BTRC: variants seen among roughly 807,000 people sequenced by gnomAD.
The protein encoded by BTRC is F-box/WD repeat-containing protein 1A.
Under a neutral mutation model 85.5 loss-of-function variants are expected in BTRC, and 42 were observed. The observed-to-expected ratio is 0.49, with a 90% CI of 0.38 to 0.64. The LOEUF (loss-of-function observed/expected upper bound fraction) is 0.64. Ranked by LOEUF, BTRC falls within the 30% of genes least tolerant of loss-of-function variation. The pLI, the probability that BTRC is intolerant of heterozygous loss-of-function variation, is 0.00. For synonymous variants in BTRC, 255 were observed against 263.3 expected, an observed-to-expected ratio of 0.97 and a Z score of 0.30; for missense variants, 594 against 743.5, an observed-to-expected ratio of 0.80 and a Z score of 2.34.
chr10:101,538,357 C>T lies in BTRC; in HGVS notation c.1642C>T (p.Leu548=), dbSNP rs2062418132. 1.2e-6 allele frequency: 2 copies of T among 1,613,604 alleles called. No individual in the cohort carries two copies. The highest frequency in any genetic ancestry group is 1.7e-6 in the Non-Finnish European group (2 of 1,179,566). Residue 548 remains leucine, a synonymous_variant, in exon 13 of 15, where the codon CTA becomes TTA. Transcript: ENST00000370187. ...CCGTGCTCCTGCAGGGACACTCTGT[C>T]TACGGACCCTTGTGGTAAGAGCCTT... ...DPRAPAGTLC[L]RTLVEHSGRV... is the part of the protein sequence containing the mutation.
At chr10:101,396,704 G>A (rs1024768410) in intron 1 of BTRC, among the ~76,000 whole-genome samples, 3 of 151,874 alleles carry the variant, frequency 2.0e-5, no homozygotes, top group African/African-American at 7.3e-5. Context: ...CACTACTAAC[G>A]GTAGACAGTC....
At chr10:101,467,350 CTATT>C (rs1945405655) in intron 3 of BTRC, among the ~76,000 whole-genome samples, 1 of 125,656 alleles carries the variant, frequency 8.0e-6, no homozygotes, top group Non-Finnish European at 1.7e-5. Context: ...TTTTTTCTCT[CTATT>C]TGTTTTAGGT....
In BTRC at chr10:101,491,850, G is replaced by A. The variant is rs144698143; in HGVS notation, c.324+12393G>A. On this transcript the variant is annotated intron_variant, in intron 4 of 14. Coordinates refer to ENST00000370187, the MANE Select transcript of BTRC (RefSeq NM_033637.4). ...GCTGGACCTTGAAATCCTCTGTCTCGGAGAAAAGGCTTGGGACAGGGATGA... is the reference window on the plus strand; with the variant it reads ...GCTGGACCTTGAAATCCTCTGTCTCAGAGAAAAGGCTTGGGACAGGGATGA... 8.5e-4 allele frequency among the ~76,000 whole-genome samples: 129 copies of A among 152,252 alleles called. 1 individual carries two copies. Among genetic ancestry groups the A allele is most frequent in the African/African-American group, 2.9e-3 (122 of 41,544 alleles).
Position 101,541,850 on chromosome 10 carries a change from T to TTG in BTRC, c.1656+3491_1656+3492dup, listed in dbSNP as rs759907473. Among the ~76,000 whole-genome samples the TTG allele has an allele frequency of 2.0e-4, 30 of 152,174 alleles. No individual in the cohort carries two copies. In the East Asian group the frequency reaches 3.3e-3, roughly 17 times the overall value. ...CTTGCTAATATCTTTTTAAGGATTT[T>TTG]TGTGTGTGTGTGTATCTGTGTTTGT... On this transcript the variant is annotated intron_variant, in intron 13 of 14. Transcript: ENST00000370187.
chr10:101,546,804 CAAAG>C (rs552817244), intron 13 of BTRC, among the ~76,000 whole-genome samples: 446 of 152,210 alleles, frequency 2.9e-3, no homozygotes, highest in Middle Eastern at 3.4e-3. Flanking sequence ...CTATGAAAAA[CAAAG>C]AAGACATAAT....
chr10:101,382,179 C>T (rs1942952361), intron 1 of BTRC, among the ~76,000 whole-genome samples: 1 of 151,460 alleles, frequency 6.6e-6, no homozygotes, highest in Non-Finnish European at 1.5e-5. Flanking sequence ...GATGGGGTTT[C>T]ACCATGCTGG....
intron 4 of BTRC, among the ~76,000 whole-genome samples, chr10:101,500,180 C>T (rs1252277180): frequency 6.6e-6 from 1 of 151,776 alleles, no homozygotes; most frequent in Admixed American, 6.6e-5. Flanking sequence ...GAGTGTACTT[C>T]CGCAAATCTA....
At chr10:101,484,789 A>G (rs1945938953) in intron 4 of BTRC, among the ~76,000 whole-genome samples, 2 of 152,236 alleles carry the variant, frequency 1.3e-5, no homozygotes, top group South Asian at 4.1e-4. Context: ...TGCTCTTTCA[A>G]AAAGATAGGA....
intron 2 of BTRC, among the ~76,000 whole-genome samples, chr10:101,451,547 G>A (rs1475693295): frequency 6.6e-6 from 1 of 152,156 alleles, no homozygotes; most frequent in African/African-American, 2.4e-5. Context: ...TGTGTTAGCT[G>A]TAGGTGTTAA....
rs755481178 is a variant in BTRC at position 101,549,713 on chromosome 10, C to CAAAAAAAAAAAAAAAAAAAAA, written c.1657-983_1657-963dup. Among the ~76,000 whole-genome samples, 52 of 42,762 alleles carry CAAAAAAAAAAAAAAAAAAAAA rather than the reference C, an allele frequency of 1.2e-3. 12 individuals carry two copies. Among genetic ancestry groups the CAAAAAAAAAAAAAAAAAAAAA allele is most frequent in the East Asian group, 7.6e-3 (6 of 792 alleles). 28.1% of individuals were successfully genotyped at this position (42,762 alleles called of 152,430 possible). ...GGGGCGAAAGAGCGAGACTCTGTCT[C>CAAAAAAAAAAAAAAAAAAAAA]AAAAAAAAAAAAAAAAAAAAAAAGA... On this transcript the variant is annotated intron_variant, in intron 13 of 14. Coordinates refer to ENST00000370187, the MANE Select transcript of BTRC (RefSeq NM_033637.4).
intron 4 of BTRC, among the ~76,000 whole-genome samples, chr10:101,515,283 G>A (rs2062008644): frequency 6.6e-6 from 1 of 151,810 alleles, no homozygotes; most frequent in Admixed American, 6.6e-5. Flanking sequence ...GAATATTTTG[G>A]TTAAGTTTAG....
chr10:101,474,151 C>A (rs1188847131), intron 3 of BTRC, among the ~76,000 whole-genome samples: 1 of 152,032 alleles, frequency 6.6e-6, no homozygotes, highest in Non-Finnish European at 1.5e-5. Flanking sequence ...CATTTATCTC[C>A]TTTTTCTCAT....
intron 4 of BTRC, among the ~76,000 whole-genome samples, chr10:101,489,299 T>A (rs1425200224): frequency 2.0e-5 from 3 of 152,126 alleles, no homozygotes; most frequent in Non-Finnish European, 4.4e-5. Flanking sequence ...CCCAGACAAC[T>A]CTTTAATAGT....
At chr10:101,379,712 A>G (rs1302304516) in intron 1 of BTRC, among the ~76,000 whole-genome samples, 1 of 152,170 alleles carries the variant, frequency 6.6e-6, no homozygotes, top group Non-Finnish European at 1.5e-5. Flanking sequence ...CTCTGTAACA[A>G]TCATTTCTTA....
At chr10:101,430,074 A>G (rs938099933) in intron 1 of BTRC, among the ~76,000 whole-genome samples, 1 of 152,212 alleles carries the variant, frequency 6.6e-6, no homozygotes, top group Non-Finnish European at 1.5e-5. Flanking sequence ...AGACTGATAC[A>G]TAGAAGAATA....
chr10:101,517,751 G>T lies in BTRC; in HGVS notation c.325-3888G>T, dbSNP rs1180119648. 2.6e-5 allele frequency among the ~76,000 whole-genome samples: 4 copies of T among 152,102 alleles called. No homozygotes were observed. In the East Asian group the frequency reaches 7.7e-4, roughly 29 times the overall value. On this transcript the variant is annotated intron_variant, in intron 4 of 14. Coordinates refer to ENST00000370187, the MANE Select transcript of BTRC (RefSeq NM_033637.4). ...CAGCTTCAAACTTGGGTGTGATTTT[G>T]TCTCCTTTTTTCTCATACTCATATC...
intron 2 of BTRC, among the ~76,000 whole-genome samples, chr10:101,443,571 A>G (rs1474871868): frequency 6.6e-6 from 1 of 152,222 alleles, no homozygotes; most frequent in East Asian, 1.9e-4. Context: ...ATTTGATCAT[A>G]TTAAAGATAT....
intron 1 of BTRC, among the ~76,000 whole-genome samples, chr10:101,379,944 C>G (rs1187944535): frequency 6.6e-6 from 1 of 152,036 alleles, no homozygotes; most frequent in Non-Finnish European, 1.5e-5. Flanking sequence ...TCCTTGTTTT[C>G]AAAGGTATTT....
chr10:101,445,314 G>A (rs1011765643), intron 2 of BTRC, among the ~76,000 whole-genome samples: 16 of 152,044 alleles, frequency 1.1e-4, no homozygotes, highest in Non-Finnish European at 1.8e-4. Context: ...CATGCATACA[G>A]GTAAGAAGAT....
Sources: gnomAD v4.1 joint callset for allele counts (sites outside exome capture counted in the v4.1 genomes callset) on GRCh38, gnomAD v4.1.1 for gene constraint, MANE v1.5 for transcripts, NCBI Gene and HGNC (gene_info 2026-07-23, HGNC 2026-07-21) for gene names.